The following TANC2 variants were observed in gnomAD, a reference collection of about 807,000 sequenced individuals.
TANC2 encodes the protein protein TANC2.
Under a neutral mutation model 210.5 loss-of-function variants are expected in TANC2, and 26 were observed. The observed-to-expected ratio is 0.12, with a 90% CI of 0.09 to 0.17. The LOEUF (loss-of-function observed/expected upper bound fraction) is 0.17, where lower values mean the gene tolerates loss of function less well. Among genes scored for constraint, TANC2 ranks in the 10% least tolerant of loss-of-function variants. The pLI is 1.00. For missense variants in TANC2, 2,129 were observed against 2,608.9 expected (o/e 0.82, Z 4.01); for synonymous variants, 931 against 967.1 (o/e 0.96, Z 0.69).
At chr17:62,991,837 A>C (rs1297395552) in intron 1 of TANC2, among the ~76,000 whole-genome samples, 1 of 152,104 alleles carries the variant, frequency 6.6e-6, no homozygotes, top group Non-Finnish European at 1.5e-5. Flanking sequence ...TAGGACCCTA[A>C]AGCCTTGATT....
chr17:63,201,971 A>G (rs2041549074), intron 7 of TANC2, among the ~76,000 whole-genome samples: 1 of 152,126 alleles, frequency 6.6e-6, no homozygotes, highest in African/African-American at 2.4e-5. Context: ...TTCTTGAGTA[A>G]TATTTCCTAT....
intron 1 of TANC2, among the ~76,000 whole-genome samples, chr17:62,992,541 G>A (rs536764267): frequency 1.8e-4 from 28 of 152,312 alleles, no homozygotes; most frequent in African/African-American, 6.5e-4. Context: ...GTAAGAAAAA[G>A]TGTAGAGTCA....
chr17:63,025,784 A>G (rs2144064543), intron 2 of TANC2, among the ~76,000 whole-genome samples: 1 of 151,530 alleles, frequency 6.6e-6, no homozygotes, highest in East Asian at 1.9e-4. Context: ...TGACAGAGTG[A>G]GACCCTATCT....
chr17:63,317,639 A>G (rs991634751), intron 10 of TANC2, among the ~76,000 whole-genome samples: 14 of 152,234 alleles, frequency 9.2e-5, no homozygotes, highest in Non-Finnish European at 1.8e-4. Context: ...ATTTGCCAAC[A>G]GCTGCCAAGC....
At chr17:63,087,279 A>T (rs1017900398) in intron 3 of TANC2, among the ~76,000 whole-genome samples, 2 of 152,180 alleles carry the variant, frequency 1.3e-5, no homozygotes, top group African/African-American at 4.8e-5. Context: ...GAGTGGAAGG[A>T]ACTGTGGTGA....
chr17:63,215,758 T>A (rs539679234), intron 7 of TANC2, among the ~76,000 whole-genome samples: 104 of 152,156 alleles, frequency 6.8e-4, no homozygotes, highest in East Asian at 2.3e-3. Context: ...TATTATTATT[T>A]TTTTTTTCTG....
At chr17:63,103,677 GTTA>G (rs1455393010) in intron 4 of TANC2, among the ~76,000 whole-genome samples, 8 of 152,102 alleles carry the variant, frequency 5.3e-5, no homozygotes, top group African/African-American at 1.4e-4. Flanking sequence ...AGTGTTAGCC[GTTA>G]TTGTTAATAA....
chr17:63,041,496 G>C (rs1362665613), intron 2 of TANC2, among the ~76,000 whole-genome samples: 1 of 152,128 alleles, frequency 6.6e-6, no homozygotes, highest in Non-Finnish European at 1.5e-5. Flanking sequence ...ATGCCTCGGA[G>C]ATGGGAAGGG....
chr17:63,147,032 T>C (rs1024228270), intron 4 of TANC2, among the ~76,000 whole-genome samples: 6 of 152,076 alleles, frequency 3.9e-5, no homozygotes, highest in African/African-American at 1.2e-4. Flanking sequence ...AAAGAATGAC[T>C]GAAAAGAAAT....
At chr17:63,138,663 A>T (rs1212884783) in intron 4 of TANC2, among the ~76,000 whole-genome samples, 1 of 152,188 alleles carries the variant, frequency 6.6e-6, no homozygotes, top group African/African-American at 2.4e-5. Context: ...TAATGATCAG[A>T]AACATGTTTT....
At position 63,257,548 on chromosome 17, in the gene TANC2, T is replaced by C. The variant is rs2043231980; in HGVS notation, c.1034-10200T>C. 2.0e-5 allele frequency among the ~76,000 whole-genome samples: 3 copies of C among 152,222 alleles called. 1 individual carries two copies. The highest frequency in any genetic ancestry group is 6.8e-3 in the Middle Eastern group (2 of 294). On this transcript the variant is annotated intron_variant, in intron 8 of 27. Transcript: ENST00000689528. The stretch of plus-strand genomic sequence containing the variant: ...AATTTTTTGTAGTGTTTTGTAGAGA[T>C]GGGGTTTTGCCATGTTGCCCAGGCT...
chr17:63,108,135 C>T (rs1055523186), intron 4 of TANC2, among the ~76,000 whole-genome samples: 10 of 151,700 alleles, frequency 6.6e-5, no homozygotes, highest in Non-Finnish European at 1.2e-4. Context: ...ACAAGCTTAG[C>T]GTTCCAATAG....
chr17:63,200,815 T>G, exon 7 of TANC2: 1 of 1,613,856 alleles, frequency 6.2e-7, no homozygotes, highest in Non-Finnish European at 8.5e-7. Flanking sequence ...CCACTCTGAC[T>G]AGCAGCACTG....
chr17:62,976,740 T>C (rs903723655), intron 1 of TANC2, among the ~76,000 whole-genome samples: 6 of 152,218 alleles, frequency 3.9e-5, no homozygotes, highest in Non-Finnish European at 5.9e-5. Context: ...TTTATATTCT[T>C]AGCTCTCACA....
At chr17:63,417,410 C>T (rs2048897364) in intron 26 of TANC2, among the ~76,000 whole-genome samples, 1 of 152,018 alleles carries the variant, frequency 6.6e-6, no homozygotes, top group Non-Finnish European at 1.5e-5. Flanking sequence ...GCTGCCTAGT[C>T]GGCGTTGTTC....
intron 17 of TANC2, among the ~76,000 whole-genome samples, chr17:63,394,146 T>A (rs527502906): frequency 6.6e-6 from 1 of 152,334 alleles, no homozygotes; most frequent in South Asian, 2.1e-4. Context: ...CATGTATTAA[T>A]TGAGATGTTA....
chr17:63,131,165 G>C (rs1598444354), intron 4 of TANC2, among the ~76,000 whole-genome samples: 1 of 152,276 alleles, frequency 6.6e-6, no homozygotes, highest in East Asian at 1.9e-4. Flanking sequence ...CTGTGTTGTA[G>C]TATAACAACA....
chr17:63,004,591 TTAA>T, intron 1 of TANC2: 3 of 133,286 alleles, frequency 2.3e-5, no homozygotes, highest in South Asian at 1.2e-4. Context: ...CAGCATAGCT[TTAA>T]AAAAAAAAAA....
intron 7 of TANC2, among the ~76,000 whole-genome samples, chr17:63,220,746 A>ATGTGTATATACGTG (rs1403908537): frequency 6.8e-6 from 1 of 146,962 alleles, no homozygotes; most frequent in East Asian, 2.0e-4. Flanking sequence ...ATGTATATAT[A>ATGTGTATATACGTG]TATGTGTATA....
Sources: allele counts gnomAD v4.1 joint callset (sites outside exome capture counted in the v4.1 genomes callset), GRCh38; gene constraint gnomAD v4.1.1; transcripts MANE v1.5; gene names NCBI Gene and HGNC (gene_info 2026-07-23, HGNC 2026-07-21).